Variants in TMEM163 observed in about 807,000 individuals in gnomAD.
TMEM163 encodes transmembrane protein 163.
Under a neutral mutation model 29.3 loss-of-function variants are expected in TMEM163, and 17 were observed. The ratio of observed to expected loss-of-function variants is 0.58; its 90% CI spans 0.40 to 0.87. The LOEUF (loss-of-function observed/expected upper bound fraction) is 0.87, where lower values mean the gene tolerates loss of function less well. Among genes scored for constraint, TMEM163 ranks in the 40% least tolerant of loss-of-function variants. The probability of loss-of-function intolerance (pLI) is 0.00; values close to 1 mark genes in which losing one functional copy is unlikely to be tolerated. For missense variants in TMEM163, 303 were observed against 381.5 expected, an observed-to-expected ratio of 0.79 and a Z score of 1.71; for synonymous variants, 157 against 160.6, an observed-to-expected ratio of 0.98 and a Z score of 0.17.
chr2:134,655,867 A>G (rs1274561395), intron 2 of TMEM163, among the ~76,000 whole-genome samples: 1 of 141,252 alleles, frequency 7.1e-6, no homozygotes, highest in African/African-American at 3.0e-5. Flanking sequence ...CTCGGGGGTC[A>G]GGGGTCAGGG....
intron 6 of TMEM163, among the ~76,000 whole-genome samples, chr2:134,464,178 C>T (rs7565308): frequency 0.16 from 25,047 of 152,098 alleles, 4,174 homozygotes; most frequent in African/African-American, 0.41. Context: ...CTGGTCGGGG[C>T]GACTTTAGGA....
intron 5 of TMEM163, among the ~76,000 whole-genome samples, chr2:134,488,194 T>G (rs949053323): frequency 5.3e-5 from 8 of 152,252 alleles, no homozygotes; most frequent in African/African-American, 1.9e-4. Context: ...GTATTATTCC[T>G]GGGTGTGTCT....
intron 2 of TMEM163, among the ~76,000 whole-genome samples, chr2:134,701,684 C>A (rs893741239): frequency 2.6e-5 from 4 of 151,906 alleles, no homozygotes; most frequent in African/African-American, 9.7e-5. Flanking sequence ...CTGAGGTGGG[C>A]GGATTACTTG....
intron 5 of TMEM163, among the ~76,000 whole-genome samples, chr2:134,487,434 T>C (rs560881324): frequency 2.0e-5 from 3 of 152,206 alleles, no homozygotes; most frequent in African/African-American, 7.2e-5. Context: ...CAGAGAAGGA[T>C]GAAATGGAAG....
chr2:134,626,791 C>T (rs186375655), intron 2 of TMEM163, among the ~76,000 whole-genome samples: 4 of 152,286 alleles, frequency 2.6e-5, no homozygotes, highest in Admixed American at 2.6e-4. Context: ...CAAACATTCT[C>T]CTGTTGCTTC....
chr2:134,713,178 C>T (rs201970189), intron 2 of TMEM163, 22 bp downstream of exon 2: 24 of 1,609,080 alleles, frequency 1.5e-5, no homozygotes, highest in African/African-American at 4.0e-5. Flanking sequence ...ACATATTGGC[C>T]GACGAGACCC....
intron 4 of TMEM163, among the ~76,000 whole-genome samples, chr2:134,521,082 T>C (rs2106495109): frequency 6.6e-6 from 1 of 151,538 alleles, no homozygotes; most frequent in East Asian, 1.9e-4. Context: ...CACTGCAACC[T>C]CCACCTCCCA....
intron 2 of TMEM163, among the ~76,000 whole-genome samples, chr2:134,564,370 T>G (rs1392178116): frequency 1.3e-5 from 2 of 152,148 alleles, no homozygotes; most frequent in South Asian, 4.1e-4. Context: ...TTACTCCATA[T>G]AGAGAAAACT....
intron 4 of TMEM163, among the ~76,000 whole-genome samples, chr2:134,542,327 G>A (rs887809690): frequency 6.6e-6 from 1 of 152,186 alleles, no homozygotes; most frequent in African/African-American, 2.4e-5. Context: ...TCTGAAAGAT[G>A]AATAAATCAC....
intron 5 of TMEM163, among the ~76,000 whole-genome samples, chr2:134,498,022 C>A (rs1373253774): frequency 6.6e-6 from 1 of 152,212 alleles, no homozygotes; most frequent in Non-Finnish European, 1.5e-5. Context: ...AGAGCAGCAG[C>A]CTCCACAGCA....
intron 2 of TMEM163, among the ~76,000 whole-genome samples, chr2:134,582,016 C>CA (rs1574255336): frequency 6.6e-6 from 1 of 152,176 alleles, no homozygotes; most frequent in Non-Finnish European, 1.5e-5. Flanking sequence ...CTGCAACCAG[C>CA]ACTGCTTGGG....
intron 2 of TMEM163, among the ~76,000 whole-genome samples, chr2:134,685,981 G>C (rs972973973): frequency 5.9e-5 from 9 of 152,220 alleles, no homozygotes; most frequent in Admixed American, 1.3e-4. Flanking sequence ...TTCAGCTATA[G>C]CTTGATTTAA....
chr2:134,595,349 G>A (rs1370265039), intron 2 of TMEM163, among the ~76,000 whole-genome samples: 9 of 151,960 alleles, frequency 5.9e-5, no homozygotes, highest in Non-Finnish European at 1.3e-4. Flanking sequence ...CCACCTATGA[G>A]TGAGAGCATG....
intron 4 of TMEM163, among the ~76,000 whole-genome samples, chr2:134,519,970 G>A (rs1162814161): frequency 6.6e-6 from 1 of 151,634 alleles, no homozygotes; most frequent in Admixed American, 6.6e-5. Context: ...GGAGGCAAAT[G>A]TGAATGATTA....
intron 5 of TMEM163, among the ~76,000 whole-genome samples, chr2:134,502,313 G>A (rs1447886328): frequency 1.3e-5 from 2 of 152,214 alleles, no homozygotes; most frequent in Admixed American, 1.3e-4. Flanking sequence ...ATGACAGGAG[G>A]CTGTAAAAAT....
intron 2 of TMEM163, among the ~76,000 whole-genome samples, chr2:134,632,612 A>G (rs1289077227): frequency 6.6e-6 from 1 of 152,206 alleles, no homozygotes; most frequent in Non-Finnish European, 1.5e-5. Flanking sequence ...CACAGGTGCC[A>G]CCTTGTTGCT....
intron 2 of TMEM163, among the ~76,000 whole-genome samples, chr2:134,589,558 T>C (rs972622936): frequency 6.6e-6 from 1 of 152,190 alleles, no homozygotes; most frequent in African/African-American, 2.4e-5. Flanking sequence ...ACAGATGCCA[T>C]GGCAATGTCA....
At chr2:134,563,023 C>T (rs1019243743) in intron 2 of TMEM163, among the ~76,000 whole-genome samples, 4 of 152,214 alleles carry the variant, frequency 2.6e-5, no homozygotes, top group African/African-American at 9.7e-5. Context: ...GTAATCCAAA[C>T]GATTGTCCCT....
chr2:134,656,296 G>A (rs1364863272), intron 2 of TMEM163, among the ~76,000 whole-genome samples: 1 of 151,426 alleles, frequency 6.6e-6, no homozygotes, highest in Non-Finnish European at 1.5e-5. Flanking sequence ...ATTCGGGTGG[G>A]AGTGACCCGA....
Sources: gnomAD v4.1 joint callset for allele counts (sites outside exome capture counted in the v4.1 genomes callset) on GRCh38, gnomAD v4.1.1 for gene constraint, MANE v1.5 for transcripts, NCBI Gene and HGNC (gene_info 2026-07-23, HGNC 2026-07-21) for gene names.